The following LNP1 variants were observed in gnomAD, a reference collection of about 807,000 sequenced individuals.
LNP1 encodes leukemia NUP98 fusion partner 1.
LNP1 carries 12 observed loss-of-function variants against 14.5 expected under a neutral mutation model. The ratio of observed to expected loss-of-function variants is 0.83; its 90% CI spans 0.53 to 1.34. The LOEUF (loss-of-function observed/expected upper bound fraction) is 1.34. LNP1 is among the 40% of genes most tolerant of loss of function. The pLI is 0.00. For synonymous variants in LNP1, 75 were observed against 71.4 expected, an observed-to-expected ratio of 1.05 and a Z score of -0.26; for missense variants, 198 against 210.9, an observed-to-expected ratio of 0.94 and a Z score of 0.38.
intron 1 of LNP1, among the ~76,000 whole-genome samples, chr3:100,407,396 A>C (rs980010520): frequency 3.3e-5 from 5 of 152,058 alleles, no homozygotes; most frequent in African/African-American, 1.2e-4. Flanking sequence ...TTCCTTTAGC[A>C]CTTTGACTAT....
chr3:100,416,741 G>A (rs1335481760), intron 1 of LNP1, among the ~76,000 whole-genome samples: 2 of 139,626 alleles, frequency 1.4e-5, no homozygotes, highest in Non-Finnish European at 3.1e-5. Flanking sequence ...TTTACATTAA[G>A]TTCCAGGATA....
chr3:100,402,720 A>C (rs568487068), intron 1 of LNP1, among the ~76,000 whole-genome samples: 1 of 151,708 alleles, frequency 6.6e-6, no homozygotes, highest in Admixed American at 6.6e-5. Flanking sequence ...TACAAACTTG[A>C]TAGGAACTAA....
intron 2 of LNP1, 64 bp downstream of exon 2, chr3:100,429,949 A>G: frequency 6.6e-7 from 1 of 1,515,752 alleles, no homozygotes; most frequent in Non-Finnish European, 8.9e-7. Context: ...CTCTTAGATA[A>G]TTTTTTGAGG....
At chr3:100,446,662 C>A (rs1206942811) in intron 2 of LNP1, among the ~76,000 whole-genome samples, 2 of 152,124 alleles carry the variant, frequency 1.3e-5, no homozygotes, top group African/African-American at 2.4e-5. Flanking sequence ...AGTGAAGAGG[C>A]AACCTACAGA....
chr3:100,449,737 A>G (rs759931924), intron 2 of LNP1, among the ~76,000 whole-genome samples: 5 of 152,198 alleles, frequency 3.3e-5, no homozygotes, highest in Non-Finnish European at 7.3e-5. Context: ...CACATCTTGA[A>G]TGTTAGCTTT....
intron 1 of LNP1, among the ~76,000 whole-genome samples, chr3:100,406,344 T>C (rs896012769): frequency 5.3e-5 from 8 of 151,748 alleles, no homozygotes; most frequent in African/African-American, 1.9e-4. Context: ...AAAAATAGTG[T>C]GATCCCCTCA....
chr3:100,439,394 A>G (rs1267432981), intron 2 of LNP1, among the ~76,000 whole-genome samples: 2 of 151,884 alleles, frequency 1.3e-5, no homozygotes, highest in Non-Finnish European at 2.9e-5. Context: ...GAAATCCCTC[A>G]ATGTCTCATT....
At position 100,402,296 on chromosome 3, in the gene LNP1, T is replaced by C. The variant is rs2289502; in HGVS notation, c.-177T>C. ...CATTAAGATTTCATAAATGATTGTT[T>C]TGCTGTTAAGTGCAACAACATCACA... is the stretch of plus-strand genomic sequence containing the variant. On this transcript the variant is annotated 5_prime_UTR_variant, in exon 1 of 4. Transcript: ENST00000383693. 36,215 of 152,250 alleles carry C rather than the reference T, an allele frequency of 0.24. 5,376 individuals carry two copies. Among genetic ancestry groups the C allele is most frequent in the Middle Eastern group, 0.38 (111 of 294 alleles). The allele number at this position is 152,250 out of a possible 1,614,324, so 9.4% of individuals were successfully genotyped here. A position where few individuals can be genotyped will look rare whatever the true frequency, so the allele number is the denominator to read the frequency against.
intron 2 of LNP1, among the ~76,000 whole-genome samples, chr3:100,442,344 T>A (rs1707351687): frequency 6.6e-6 from 1 of 152,210 alleles, no homozygotes; most frequent in Admixed American, 6.5e-5. Flanking sequence ...AAGTTTATTT[T>A]GCCAAGGTTG....
chr3:100,443,307 G>T (rs957228562), intron 2 of LNP1, among the ~76,000 whole-genome samples: 2 of 152,184 alleles, frequency 1.3e-5, no homozygotes, highest in Non-Finnish European at 2.9e-5. Flanking sequence ...CTAACAACAG[G>T]TGTGCTATAG....
At chr3:100,423,329 C>T (rs1707163110) in intron 1 of LNP1, among the ~76,000 whole-genome samples, 1 of 152,020 alleles carries the variant, frequency 6.6e-6, no homozygotes. Context: ...GTTACTACTG[C>T]AACAACGGCA....
chr3:100,453,026 T>C (rs575934022), intron 3 of LNP1, among the ~76,000 whole-genome samples: 5 of 152,306 alleles, frequency 3.3e-5, no homozygotes, highest in Admixed American at 1.3e-4. Flanking sequence ...CTAAGTGTAA[T>C]GACTTCTGGT....
intron 1 of LNP1, among the ~76,000 whole-genome samples, chr3:100,423,971 A>G (rs1031052834): frequency 3.3e-5 from 5 of 152,168 alleles, no homozygotes; most frequent in South Asian, 2.1e-4. Flanking sequence ...CCAGAAGAGC[A>G]TCTCTCCCAG....
chr3:100,416,246 C>T (rs1707082625), intron 1 of LNP1, among the ~76,000 whole-genome samples: 1 of 152,152 alleles, frequency 6.6e-6, no homozygotes, highest in Admixed American at 6.6e-5. Context: ...AATTGAAATT[C>T]AAACTGTTCC....
chr3:100,409,802 C>T (rs540202912), intron 1 of LNP1, among the ~76,000 whole-genome samples: 1 of 151,294 alleles, frequency 6.6e-6, no homozygotes, highest in Non-Finnish European at 1.5e-5. Flanking sequence ...ACCATATTGG[C>T]CGGGCTGGTG....
At chr3:100,444,954 G>A (rs1379709755) in intron 2 of LNP1, among the ~76,000 whole-genome samples, 2 of 152,294 alleles carry the variant, frequency 1.3e-5, no homozygotes, top group East Asian at 3.9e-4. Flanking sequence ...TTGCATCAGT[G>A]TGCCTTTGAC....
intron 2 of LNP1, among the ~76,000 whole-genome samples, chr3:100,443,913 A>G (rs980829107): frequency 9.2e-5 from 14 of 152,254 alleles, no homozygotes; most frequent in African/African-American, 3.4e-4. Flanking sequence ...TCATAGGAGT[A>G]TACTTTACTC....
intron 1 of LNP1, among the ~76,000 whole-genome samples, chr3:100,406,321 G>A (rs1439212400): frequency 2.6e-5 from 4 of 151,934 alleles, no homozygotes; most frequent in Non-Finnish European, 5.9e-5. Flanking sequence ...ACACTTGTCT[G>A]TGGGAAAAAT....
intron 2 of LNP1, among the ~76,000 whole-genome samples, chr3:100,441,263 T>A (rs1326665467): frequency 6.6e-6 from 1 of 152,164 alleles, no homozygotes; most frequent in East Asian, 1.9e-4. Flanking sequence ...ACTGAATGAC[T>A]TAGATGAAGA....
Sources: gnomAD v4.1 joint callset for allele counts (sites outside exome capture counted in the v4.1 genomes callset) on GRCh38, gnomAD v4.1.1 for gene constraint, MANE v1.5 for transcripts, NCBI Gene and HGNC (gene_info 2026-07-23, HGNC 2026-07-21) for gene names.